TRMT11: variants seen among roughly 807,000 people sequenced by gnomAD.
TRMT11 encodes tRNA methyltransferase 11.
Under a neutral mutation model 62.8 loss-of-function variants are expected in TRMT11, and 53 were observed. The observed-to-expected ratio is 0.84, with a 90% CI of 0.68 to 1.06. The LOEUF (loss-of-function observed/expected upper bound fraction) is 1.06, where lower values mean the gene tolerates loss of function less well. Among genes scored for constraint, TRMT11 ranks in the 50% least tolerant of loss-of-function variants. The pLI is 0.00. For synonymous variants in TRMT11, 188 were observed against 190.3 expected (o/e 0.99, Z 0.10); for missense variants, 556 against 553.4 (o/e 1.00, Z -0.05).
At chr6:126,093,631 A>ATTTTTTTTTTTTTTTTTTTTTTT (rs145963759) in intron 17 of TRMT11, among the ~76,000 whole-genome samples, 2 of 98,010 alleles carry the variant, frequency 2.0e-5, no homozygotes, top group African/African-American at 8.7e-5. Context: ...ATATATATAT[A>ATTTTTTTTTTTTTTTTTTTTTTT]TTTTCCCCCA....
downstream of TRMT11, among the ~76,000 whole-genome samples, chr6:126,205,536 A>G (rs1424123254): frequency 2.6e-5 from 4 of 152,168 alleles, no homozygotes; most frequent in African/African-American, 9.7e-5. Flanking sequence ...ATTAAAAAGC[A>G]TTTTAAAAGA....
chr6:126,149,776 T>C (rs552358677), intron 21 of TRMT11, among the ~76,000 whole-genome samples: 3 of 152,184 alleles, frequency 2.0e-5, no homozygotes, highest in Non-Finnish European at 4.4e-5. Flanking sequence ...GGATCAGCAG[T>C]GCCAAATATT....
chr6:126,230,350 T>C, the TRMT11 span, among the ~76,000 whole-genome samples: 491 of 152,298 alleles, frequency 3.2e-3, 1 homozygote, highest in African/African-American at 9.7e-3. Context: ...GTGTTTCTCA[T>C]TGAAAAGGAA....
chr6:126,156,515 T>C (rs1484631229), intron 21 of TRMT11, among the ~76,000 whole-genome samples: 1 of 152,226 alleles, frequency 6.6e-6, no homozygotes, highest in Non-Finnish European at 1.5e-5. Context: ...CTAACATTCG[T>C]CAGTACTAGT....
At chr6:126,173,983 C>T (rs767226370), upstream of TRMT11, among the ~76,000 whole-genome samples, 6 of 152,144 alleles carry the variant, frequency 3.9e-5, no homozygotes, top group Admixed American at 6.5e-5. Flanking sequence ...GTGAGAAGCA[C>T]TGATCCAAGG....
At chr6:126,270,772 A>G in the TRMT11 span, among the ~76,000 whole-genome samples, 1 of 152,178 alleles carries the variant, frequency 6.6e-6, no homozygotes, top group Admixed American at 6.5e-5. Flanking sequence ...TCAAAAAGTT[A>G]TGTATCACAT....
chr6:126,234,155 T>C, the TRMT11 span, among the ~76,000 whole-genome samples: 1 of 152,116 alleles, frequency 6.6e-6, no homozygotes, highest in Non-Finnish European at 1.5e-5. Flanking sequence ...AAAAAGCACC[T>C]TTGTCTTTAA....
intron 21 of TRMT11, among the ~76,000 whole-genome samples, chr6:126,162,082 A>G (rs1476746094): frequency 6.6e-6 from 1 of 152,150 alleles, no homozygotes; most frequent in Non-Finnish European, 1.5e-5. Flanking sequence ...CTATTTATCA[A>G]TTTTGGCTTT....
At chr6:126,152,380 GTC>G (rs1206503040) in intron 21 of TRMT11, among the ~76,000 whole-genome samples, 6 of 152,112 alleles carry the variant, frequency 3.9e-5, no homozygotes, top group African/African-American at 1.4e-4. Flanking sequence ...AATAACTTCA[GTC>G]TCTAAGTGGG....
At chr6:126,134,734 A>G (rs1343524405) in intron 21 of TRMT11, among the ~76,000 whole-genome samples, 3 of 151,928 alleles carry the variant, frequency 2.0e-5, no homozygotes, top group Non-Finnish European at 2.9e-5. Context: ...GACAGACCAT[A>G]TGTTAGACCA....
chr6:126,237,092 AG>A, the TRMT11 span, among the ~76,000 whole-genome samples: 1 of 151,324 alleles, frequency 6.6e-6, no homozygotes, highest in African/African-American at 2.5e-5. Context: ...AGAGAGAGAG[AG>A]AGACTGATTA....
At chr6:126,051,356 T>C (rs1453208112) in intron 16 of TRMT11, among the ~76,000 whole-genome samples, 1 of 152,076 alleles carries the variant, frequency 6.6e-6, no homozygotes, top group Non-Finnish European at 1.5e-5. Flanking sequence ...ATGCAGTTCA[T>C]GGTCACTGAA....
chr6:126,238,768 T>C, the TRMT11 span, among the ~76,000 whole-genome samples: 687 of 152,332 alleles, frequency 4.5e-3, 2 homozygotes, highest in African/African-American at 0.015. Context: ...GATATCCTTG[T>C]TAACTTTCTG....
At chr6:126,153,282 A>G (rs1428550135) in intron 21 of TRMT11, among the ~76,000 whole-genome samples, 1 of 152,210 alleles carries the variant, frequency 6.6e-6, no homozygotes, top group Non-Finnish European at 1.5e-5. Context: ...CTTTTTATTT[A>G]AGGATAATAA....
chr6:126,079,302 T>A (rs1777105911), intron 17 of TRMT11, among the ~76,000 whole-genome samples: 1 of 152,160 alleles, frequency 6.6e-6, no homozygotes, highest in East Asian at 1.9e-4. Flanking sequence ...TTCTGCAAAT[T>A]TAACACCATG....
chr6:126,049,177 C>T (rs1303921522), intron 16 of TRMT11, among the ~76,000 whole-genome samples: 1 of 152,036 alleles, frequency 6.6e-6, no homozygotes, highest in Non-Finnish European at 1.5e-5. Context: ...CAGCACATTG[C>T]TCCAAAGTTA....
chr6:126,047,882 T>C (rs548342386), intron 16 of TRMT11, among the ~76,000 whole-genome samples: 21 of 152,344 alleles, frequency 1.4e-4, no homozygotes, highest in African/African-American at 5.0e-4. Context: ...TAGCCTGCTG[T>C]TCCCTTTTTG....
intron 17 of TRMT11, among the ~76,000 whole-genome samples, chr6:126,087,912 TC>T (rs913826456): frequency 3.3e-5 from 5 of 152,206 alleles, no homozygotes; most frequent in African/African-American, 1.2e-4. Context: ...TCTCCTGACC[TC>T]CTTAAGAGCT....
At chr6:125,994,045 G>T (rs1426600615) in intron 2 of TRMT11, among the ~76,000 whole-genome samples, 1 of 152,142 alleles carries the variant, frequency 6.6e-6, no homozygotes, top group Admixed American at 6.5e-5. Flanking sequence ...GTCAACAGTT[G>T]TGTCATAATT....
Sources: allele counts gnomAD v4.1 joint callset (sites outside exome capture counted in the v4.1 genomes callset), GRCh38; gene constraint gnomAD v4.1.1; transcripts MANE v1.5; gene names NCBI Gene and HGNC (gene_info 2026-07-23, HGNC 2026-07-21).